Variants in ITGA6 observed in about 807,000 individuals in gnomAD.
The protein encoded by ITGA6 is integrin alpha-6.
ITGA6 carries 63 observed loss-of-function variants against 133.6 expected under a neutral mutation model. The observed-to-expected ratio is 0.47, with a 90% CI of 0.38 to 0.58. The LOEUF (loss-of-function observed/expected upper bound fraction) is 0.58, where lower values mean the gene tolerates loss of function less well. ITGA6 is among the 20% of genes least tolerant of loss of function. The pLI is 0.00. For synonymous variants in ITGA6, 434 were observed against 482.0 expected (o/e 0.90, Z 1.30); for missense variants, 1,068 against 1,309.4 (o/e 0.82, Z 2.85).
chr2:172,475,729 T>G, intron 8 of ITGA6, 44 bp downstream of exon 8: 1 of 1,061,824 alleles, frequency 9.4e-7, no homozygotes, highest in Non-Finnish European at 1.5e-6. Context: ...TCTCAACTTT[T>G]TGCCCTATAA....
intron 1 of ITGA6, among the ~76,000 whole-genome samples, chr2:172,449,192 C>G (rs1684883706): frequency 6.6e-6 from 1 of 152,136 alleles, no homozygotes; most frequent in Non-Finnish European, 1.5e-5. Flanking sequence ...GCTGGAAGCC[C>G]TACCCATGTC....
Position 172,491,284 on chromosome 2 carries a change from G to T in ITGA6, c.2842G>T (p.Ala948Ser), listed in dbSNP as rs576830219. The T allele has an allele frequency of 6.2e-7, 1 of 1,613,374 alleles. No homozygotes were observed. Among genetic ancestry groups the T allele is most frequent in the South Asian group, 1.1e-5 (1 of 91,068 alleles). ...CCCGCTGCGGGGGCTGGACAGCAAG[G>T]CGTCTCTTATTTTGCGCTCGAGGTT... ...RCPLRGLDSK[A>S]SLILRSRLWN... is the part of the protein sequence containing the mutation. Residue 948 changes from alanine to serine, a missense_variant, in exon 22 of 26, where the codon GCG becomes TCG. Ala to Ser is a moderately conservative substitution (Grantham distance 99). Around this residue, in one of 3 missense-constraint regions of ITGA6, gnomAD observed 609 missense variants for 707.2 expected, o/e 0.86. Transcript: ENST00000684293. The surrounding 1 kb of genome is among the most constrained non-coding windows in gnomAD (Gnocchi z 4.4).
rs574434061 is a variant in ITGA6, at chr2:172,439,551, G to A, written c.182+11581G>A. Among the ~76,000 whole-genome samples the A allele has an allele frequency of 7.2e-5, 11 of 151,938 alleles. No homozygotes were observed. The South Asian group carries it at 2.1e-3, about 29-fold the overall frequency. ...ATCTTCCTGAGGTGGCATGGTGGTGGTATAAAAGCTTCATTATAGTACAGA... is the reference window on the plus strand; with the variant it reads ...ATCTTCCTGAGGTGGCATGGTGGTGATATAAAAGCTTCATTATAGTACAGA... On this transcript the variant is annotated intron_variant, in intron 1 of 25. Transcript: ENST00000684293.
intron 9 of ITGA6, among the ~76,000 whole-genome samples, chr2:172,476,778 AC>A (rs1686193567): frequency 6.6e-6 from 1 of 152,232 alleles, no homozygotes; most frequent in African/African-American, 2.4e-5. Flanking sequence ...GATGAAAAAA[AC>A]AAAACACATA....
chr2:172,427,992 AC>A, intron 1 of ITGA6, 22 bp downstream of exon 1: 2 of 1,586,998 alleles, frequency 1.3e-6, no homozygotes, highest in South Asian at 1.1e-5. Context: ...GACCCTTCCC[AC>A]CCCCACTGGG....
intron 1 of ITGA6, among the ~76,000 whole-genome samples, chr2:172,441,119 G>C (rs3762618): frequency 0.07 from 10,720 of 152,156 alleles, 482 homozygotes; most frequent in East Asian, 0.26. Context: ...TTCTTGAGTT[G>C]GTAATGACTA....
intron 11 of ITGA6, among the ~76,000 whole-genome samples, chr2:172,480,537 G>C (rs554779413): frequency 6.6e-6 from 1 of 152,230 alleles, no homozygotes; most frequent in South Asian, 2.1e-4. Flanking sequence ...GTGTTCCCAA[G>C]AGCAGGCCCC....
chr2:172,486,131 C>G (rs1376037014), intron 13 of ITGA6, among the ~76,000 whole-genome samples: 1 of 143,810 alleles, frequency 7.0e-6, no homozygotes, highest in Non-Finnish European at 1.5e-5. Context: ...GCCGAGATGG[C>G]ACCACTGCAC....
At chr2:172,488,324 T>A in intron 19 of ITGA6, 96 bp downstream of exon 19, 1 of 832,030 alleles carries the variant, frequency 1.2e-6, no homozygotes, top group Non-Finnish European at 2.1e-6. Context: ...GCAATATTAA[T>A]AAGCATTGTA....
chr2:172,442,482 G>T (rs536797967), intron 1 of ITGA6, among the ~76,000 whole-genome samples: 15 of 152,304 alleles, frequency 9.8e-5, no homozygotes, highest in African/African-American at 3.6e-4. Context: ...TAGCTGAAAG[G>T]TTCCCCTGAA....
chr2:172,493,158 T>G (rs1393657355), intron 23 of ITGA6, among the ~76,000 whole-genome samples: 1 of 152,132 alleles, frequency 6.6e-6, no homozygotes, highest in Non-Finnish European at 1.5e-5. Context: ...TCCGCCTGCC[T>G]CAGCCTCCCA....
chr2:172,459,265 G>C (rs574547136), intron 1 of ITGA6, among the ~76,000 whole-genome samples: 1 of 152,226 alleles, frequency 6.6e-6, no homozygotes, highest in East Asian at 1.9e-4. Context: ...GGTAGCTGGG[G>C]CCTCAAGGTA....
At position 172,491,444 on chromosome 2, in the gene ITGA6, AC is replaced by A. The variant is rs1370428763; in HGVS notation, c.2910del (p.Leu971TrpfsTer11). The A allele has an allele frequency of 6.2e-7, 1 of 1,613,514 alleles. No homozygotes were observed. The highest frequency in any genetic ancestry group is 2.2e-5 in the East Asian group (1 of 44,866). On this transcript the variant is annotated frameshift_variant, in exon 23 of 26. Coordinates refer to ENST00000684293, the MANE Select transcript of ITGA6 (RefSeq NM_000210.4). LOFTEE classifies it high-confidence loss of function. The surrounding 1 kb of genome is among the most constrained non-coding windows in gnomAD (Gnocchi z 4.4). ...TFLEEYSKLN[Y>X]LDILMRAFID... ...AAACAGGAATATTCCAAACTGAACT[AC>A]TTGGACATTCTCATGCGAGCCTTCA...
intron 23 of ITGA6, among the ~76,000 whole-genome samples, chr2:172,496,815 C>T (rs981425831): frequency 1.3e-5 from 2 of 152,162 alleles, no homozygotes; most frequent in Non-Finnish European, 2.9e-5. Context: ...ATTCTAAACC[C>T]ATGTAACTGA....
At chr2:172,465,452 A>T (rs1685616719) in intron 1 of ITGA6, 87 bp from the exon 2 acceptor site, 2 of 1,480,674 alleles carry the variant, frequency 1.4e-6, no homozygotes, top group Non-Finnish European at 1.9e-6. Context: ...GACAAAGAAT[A>T]ATCCCACTAT....
chr2:172,451,237 G>A (rs1323554740), intron 1 of ITGA6, among the ~76,000 whole-genome samples: 5 of 151,908 alleles, frequency 3.3e-5, no homozygotes, highest in African/African-American at 4.8e-5. Context: ...GGCCAAGGCC[G>A]GTAGATCAGT....
At chr2:172,451,750 C>T (rs940442339) in intron 1 of ITGA6, among the ~76,000 whole-genome samples, 1 of 152,092 alleles carries the variant, frequency 6.6e-6, no homozygotes, top group Non-Finnish European at 1.5e-5. Context: ...GAGAAACTGG[C>T]AAGTATCGAC....
intron 1 of ITGA6, among the ~76,000 whole-genome samples, chr2:172,445,621 T>C (rs1272826734): frequency 6.9e-5 from 10 of 145,272 alleles, no homozygotes; most frequent in East Asian, 2.2e-4. Flanking sequence ...TGCTCTCCAG[T>C]CTGGGCGACA....
At chr2:172,440,785 A>G (rs1224569448) in intron 1 of ITGA6, among the ~76,000 whole-genome samples, 1 of 152,222 alleles carries the variant, frequency 6.6e-6, no homozygotes, top group Non-Finnish European at 1.5e-5. Context: ...AGAAAATTGC[A>G]ACTAATAAAA....
Sources: gnomAD v4.1 joint callset for allele counts (sites outside exome capture counted in the v4.1 genomes callset) on GRCh38, gnomAD v4.1.1 for gene constraint, gnomAD v4.1.1 regional missense constraint, Gnocchi (gnomAD v3.1) non-coding constraint, MANE v1.5 for transcripts, NCBI Gene and HGNC (gene_info 2026-07-23, HGNC 2026-07-21) for gene names.